Variants in ADAMTS19 observed in about 807,000 individuals in gnomAD.
The protein encoded by ADAMTS19 is ADAM metallopeptidase with thrombospondin type 1 motif 19.
ADAMTS19 carries 93 observed loss-of-function variants against 153.3 expected under a neutral mutation model. The ratio of observed to expected loss-of-function variants is 0.61; its 90% CI spans 0.51 to 0.72. The LOEUF (loss-of-function observed/expected upper bound fraction) is 0.72, where lower values mean the gene tolerates loss of function less well. ADAMTS19 is among the 30% of genes least tolerant of loss of function. The pLI is 0.00. For synonymous variants in ADAMTS19, 600 were observed against 556.6 expected, an observed-to-expected ratio of 1.08 and a Z score of -1.10; for missense variants, 1,482 against 1,552.1, an observed-to-expected ratio of 0.95 and a Z score of 0.76.
chr5:129,667,195 G>A (rs1188018270), intron 16 of ADAMTS19, among the ~76,000 whole-genome samples: 1 of 152,080 alleles, frequency 6.6e-6, no homozygotes, highest in Non-Finnish European at 1.5e-5. Context: ...AGGACCACTG[G>A]ATGCCACTTA....
chr5:129,508,191 T>G lies in ADAMTS19; in HGVS notation c.748-886T>G, dbSNP rs1418322846. On this transcript the variant is annotated intron_variant, in intron 2 of 22. Coordinates refer to ENST00000274487, the MANE Select transcript of ADAMTS19 (RefSeq NM_133638.6). ...AGATTGGGTATTAGTAATACAGGTT[T>G]TAGTATATGATTTATTCAAAACTAT... 2.0e-5 allele frequency among the ~76,000 whole-genome samples: 3 copies of G among 152,088 alleles called. No individual in the cohort carries two copies. In the East Asian group the frequency reaches 5.8e-4, roughly 29 times the overall value.
chr5:129,696,650 A>G (rs533113599), intron 19 of ADAMTS19, among the ~76,000 whole-genome samples: 20 of 152,292 alleles, frequency 1.3e-4, no homozygotes, highest in South Asian at 1.0e-3. Context: ...TGTTTTAGGA[A>G]GACATAAGAT....
chr5:129,701,286 G>T, intron 19 of ADAMTS19, 102 bp from the exon 20 acceptor site: 1 of 1,303,270 alleles, frequency 7.7e-7, no homozygotes, highest in Non-Finnish European at 1.1e-6. Context: ...TTTGTAAATT[G>T]CCCAGTCTTG....
At chr5:129,643,657 A>G (rs1752928473) in intron 11 of ADAMTS19, among the ~76,000 whole-genome samples, 4 of 152,182 alleles carry the variant, frequency 2.6e-5, no homozygotes, top group Admixed American at 2.0e-4. Context: ...TTTTATCACT[A>G]TATATTATCA....
In ADAMTS19 at chr5:129,620,651, G is replaced by A. The variant is rs756412047; in HGVS notation, c.1512G>A (p.Ser504=). The A allele has an allele frequency of 1.3e-5, 21 of 1,610,164 alleles. No homozygotes were observed. Among genetic ancestry groups the A allele is most frequent in the African/African-American group, 6.7e-5 (5 of 74,670 alleles). Residue 504 remains serine (S), a synonymous_variant, in exon 9 of 23, where the codon TCG becomes TCA. Coordinates refer to ENST00000274487, the MANE Select transcript of ADAMTS19 (RefSeq NM_133638.6). ...TTAACCATGACAATGACCACCCATC[G>A]TGTGCTGATGGTCTTCATATCATGT... The part of the protein sequence containing the change: ...MGINHDNDHP[S]CADGLHIMSG...
chr5:129,526,600 T>A, intron 4 of ADAMTS19, 144 bp downstream of exon 4: 1 of 737,826 alleles, frequency 1.4e-6, no homozygotes, highest in African/African-American at 1.9e-5. Context: ...TACTTAGGTA[T>A]ATAAAATTGA....
rs553816442 is a variant in ADAMTS19 at position 129,545,950 on chromosome 5, G to A, written c.1329-5914G>A. On this transcript the variant is annotated intron_variant, in intron 6 of 22. Transcript: ENST00000274487. Reference sequence around the variant, plus strand: ...ACACATGCACACGTATGTTTATTGCGGCACTATTCACAATAGCAAAGACTT... The same window carrying A: ...ACACATGCACACGTATGTTTATTGCAGCACTATTCACAATAGCAAAGACTT... 7.2e-3 allele frequency among the ~76,000 whole-genome samples: 1,064 copies of A among 148,276 alleles called. 47 individuals carry two copies. The highest frequency in any genetic ancestry group is 0.025 in the African/African-American group (979 of 38,538).
intron 10 of ADAMTS19, among the ~76,000 whole-genome samples, chr5:129,640,281 T>TA (rs771041373): frequency 2.5e-4 from 38 of 152,164 alleles, no homozygotes; most frequent in African/African-American, 7.0e-4. Context: ...AAATTGTTGT[T>TA]AAAAAAAGCT....
At chr5:129,632,711 T>G (rs1752355584) in intron 10 of ADAMTS19, among the ~76,000 whole-genome samples, 1 of 152,050 alleles carries the variant, frequency 6.6e-6, no homozygotes, top group Non-Finnish European at 1.5e-5. Context: ...CTCAGAAACC[T>G]TCCTCTATCT....
At chr5:129,699,989 C>G (rs1755756244) in intron 19 of ADAMTS19, among the ~76,000 whole-genome samples, 1 of 152,058 alleles carries the variant, frequency 6.6e-6, no homozygotes, top group South Asian at 2.1e-4. Flanking sequence ...AATAAGGTAC[C>G]TACAAATAAC....
At chr5:129,539,502 A>C (rs1196097937) in intron 6 of ADAMTS19, among the ~76,000 whole-genome samples, 2 of 152,064 alleles carry the variant, frequency 1.3e-5, no homozygotes, top group African/African-American at 4.8e-5. Flanking sequence ...CAAGATAACA[A>C]ATTTGTGTTG....
chr5:129,654,001 A>G (rs1461728538), intron 13 of ADAMTS19, among the ~76,000 whole-genome samples: 1 of 152,166 alleles, frequency 6.6e-6, no homozygotes, highest in East Asian at 1.9e-4. Context: ...GGGGTGTGCC[A>G]ATATTATTCA....
intron 21 of ADAMTS19, among the ~76,000 whole-genome samples, chr5:129,706,881 A>G (rs940447450): frequency 6.6e-6 from 1 of 152,208 alleles, no homozygotes; most frequent in Non-Finnish European, 1.5e-5. Context: ...TAAACTAAAA[A>G]AAATTTTTTT....
intron 10 of ADAMTS19, among the ~76,000 whole-genome samples, chr5:129,631,631 C>G (rs1390308200): frequency 1.3e-5 from 2 of 151,690 alleles, no homozygotes; most frequent in Non-Finnish European, 2.9e-5. Context: ...AGAAGTATAA[C>G]TTTTTTATAT....
chr5:129,462,731 G>C (rs1483027738), intron 2 of ADAMTS19, among the ~76,000 whole-genome samples: 2 of 152,078 alleles, frequency 1.3e-5, no homozygotes, highest in East Asian at 3.9e-4. Context: ...GTCCTTTATG[G>C]TTGTTGCCAC....
At chr5:129,568,040 A>G (rs901898707) in intron 7 of ADAMTS19, among the ~76,000 whole-genome samples, 16 of 152,298 alleles carry the variant, frequency 1.1e-4, no homozygotes, top group Admixed American at 1.0e-3. Context: ...TTTTCAAAAA[A>G]TATTTTTCAG....
chr5:129,509,552 A>G (rs1322377429), intron 3 of ADAMTS19, among the ~76,000 whole-genome samples: 2 of 151,948 alleles, frequency 1.3e-5, no homozygotes, highest in Non-Finnish European at 2.9e-5. Flanking sequence ...GACACAGATA[A>G]TTCCAGATAC....
At chr5:129,534,699 G>T (rs949073199) in intron 6 of ADAMTS19, among the ~76,000 whole-genome samples, 34 of 152,130 alleles carry the variant, frequency 2.2e-4, no homozygotes, top group Non-Finnish European at 2.9e-5. Flanking sequence ...ACCGAATCCA[G>T]CAGCACATCA....
chr5:129,501,840 G>A (rs1372281454), intron 2 of ADAMTS19, among the ~76,000 whole-genome samples: 1 of 151,894 alleles, frequency 6.6e-6, no homozygotes, highest in Non-Finnish European at 1.5e-5. Context: ...GTTTTAAATA[G>A]GCTTGAAAAA....
Sources: gnomAD v4.1 joint callset for allele counts (sites outside exome capture counted in the v4.1 genomes callset) on GRCh38, gnomAD v4.1.1 for gene constraint, MANE v1.5 for transcripts, NCBI Gene and HGNC (gene_info 2026-07-23, HGNC 2026-07-21) for gene names.